GGA2: variants seen among roughly 807,000 people sequenced by gnomAD.
The protein encoded by GGA2 is golgi associated, gamma adaptin ear containing, ARF binding protein 2.
GGA2 carries 48 observed loss-of-function variants against 79.5 expected under a neutral mutation model. The ratio of observed to expected loss-of-function variants is 0.60; its 90% CI spans 0.48 to 0.77. GGA2 has a LOEUF of 0.77. Among genes scored for constraint, GGA2 ranks in the 30% least tolerant of loss-of-function variants. The pLI, the probability that GGA2 is intolerant of heterozygous loss-of-function variation, is 0.00. For synonymous variants in GGA2, 317 were observed against 302.0 expected, an observed-to-expected ratio of 1.05 and a Z score of -0.51; for missense variants, 770 against 774.0, an observed-to-expected ratio of 0.99 and a Z score of 0.06.
At chr16:23,486,276 C>G in intron 7 of GGA2, 124 bp from the exon 8 acceptor site, 1 of 796,164 alleles carries the variant, frequency 1.3e-6, no homozygotes. Flanking sequence ...ATGTTAAGTG[C>G]ATGGGAGAAC....
upstream of GGA2, among the ~76,000 whole-genome samples, chr16:23,514,282 T>A (rs1302733316): frequency 6.6e-6 from 1 of 151,974 alleles, no homozygotes; most frequent in African/African-American, 2.4e-5. Flanking sequence ...AATTTTGGAA[T>A]TTTTTTGTAG....
At chr16:23,506,755 C>T (rs1376088496) in intron 1 of GGA2, among the ~76,000 whole-genome samples, 2 of 152,228 alleles carry the variant, frequency 1.3e-5, no homozygotes, top group Non-Finnish European at 2.9e-5. Context: ...TTCCTCAAGT[C>T]CCCTGTTCCA....
chr16:23,510,558 C>G (rs958285922), upstream of GGA2: 123 of 389,738 alleles, frequency 3.2e-4, no homozygotes, highest in Non-Finnish European at 4.9e-4. Flanking sequence ...CCCAGGCCCC[C>G]CCTCCACGCG....
At chr16:23,506,452 C>T (rs1026975432) in intron 1 of GGA2, among the ~76,000 whole-genome samples, 2 of 152,200 alleles carry the variant, frequency 1.3e-5, no homozygotes, top group Non-Finnish European at 2.9e-5. Flanking sequence ...CACTCAGGAA[C>T]TCAGCGGGGA....
chr16:23,472,320 A>G (rs376410677), intron 14 of GGA2, among the ~76,000 whole-genome samples: 5 of 150,744 alleles, frequency 3.3e-5, no homozygotes, highest in African/African-American at 1.2e-4. Flanking sequence ...CAGCCTCCCA[A>G]GTAGCTGGGA....
At chr16:23,501,019 A>G (rs1964915897) in intron 1 of GGA2, 3 of 341,252 alleles carry the variant, frequency 8.8e-6, no homozygotes, top group East Asian at 7.6e-5. Context: ...CACACATTAG[A>G]AAGTGTGACT....
intron 1 of GGA2, among the ~76,000 whole-genome samples, chr16:23,506,113 A>ACT (rs1596996245): frequency 6.6e-6 from 1 of 151,832 alleles, no homozygotes; most frequent in African/African-American, 2.4e-5. Flanking sequence ...AGGTTTTATT[A>ACT]CTCTCTTCCC....
chr16:23,492,017 C>T (rs888378401), intron 4 of GGA2, among the ~76,000 whole-genome samples: 3 of 152,064 alleles, frequency 2.0e-5, no homozygotes, highest in Admixed American at 6.5e-5. Flanking sequence ...TAAACCCCAC[C>T]ATGCAAGAGC....
At chr16:23,499,268 T>C (rs1964893234) in intron 1 of GGA2, among the ~76,000 whole-genome samples, 1 of 151,660 alleles carries the variant, frequency 6.6e-6, no homozygotes, top group Non-Finnish European at 1.5e-5. Context: ...CCTCAGCCTC[T>C]AGAGTAGCTA....
intron 16 of GGA2, among the ~76,000 whole-genome samples, 168 bp from the exon 17 acceptor site, chr16:23,467,868 G>A (rs558481864): frequency 2.0e-4 from 30 of 152,246 alleles, no homozygotes; most frequent in African/African-American, 6.0e-4. Flanking sequence ...GGAACCCTTC[G>A]ATAATTCTGC....
chr16:23,495,423 G>A (rs1231073787), intron 2 of GGA2: 1 of 263,250 alleles, frequency 3.8e-6, no homozygotes, highest in Non-Finnish European at 7.2e-6. Flanking sequence ...ATGTTCTCAG[G>A]ATTATAGGGG....
chr16:23,507,116 C>G (rs1567370844), intron 1 of GGA2, among the ~76,000 whole-genome samples: 1 of 152,138 alleles, frequency 6.6e-6, no homozygotes, highest in Non-Finnish European at 1.5e-5. Context: ...TGAAAAACAG[C>G]TGAGGAGGCC....
chr16:23,474,778 C>A, intron 14 of GGA2, 126 bp downstream of exon 14: 1 of 744,770 alleles, frequency 1.3e-6, no homozygotes. Context: ...TGCCCTCATG[C>A]AAAATCTCTC....
At chr16:23,521,021 GC>G (rs1196568078) in intron 1 of GGA2, among the ~76,000 whole-genome samples, 2 of 152,072 alleles carry the variant, frequency 1.3e-5, no homozygotes, top group Non-Finnish European at 2.9e-5. Context: ...TGAACTCCCG[GC>G]CTCAAGTGAT....
chr16:23,492,854 G>T (rs1408918944), intron 4 of GGA2, among the ~76,000 whole-genome samples: 2 of 152,198 alleles, frequency 1.3e-5, no homozygotes, highest in African/African-American at 4.8e-5. Context: ...CCCTCACTGC[G>T]TGGGGTCCGG....
intron 9 of GGA2, among the ~76,000 whole-genome samples, chr16:23,481,496 T>A (rs1233332201): frequency 6.6e-6 from 1 of 152,194 alleles, no homozygotes; most frequent in African/African-American, 2.4e-5. Context: ...AAAAAGGCTG[T>A]GTGTGGTGGT....
chr16:23,478,585 C>T, intron 12 of GGA2, 84 bp from the exon 13 acceptor site: 1 of 1,342,902 alleles, frequency 7.4e-7, no homozygotes, highest in Non-Finnish European at 1.1e-6. Context: ...CTCTCCTGAG[C>T]CCACCCAAGC....
intron 1 of GGA2, among the ~76,000 whole-genome samples, chr16:23,520,110 G>A (rs2106458): frequency 0.73 from 110,177 of 151,938 alleles, 40,734 homozygotes; most frequent in Non-Finnish European, 0.81. Context: ...GCTGGCTATG[G>A]CGGCACATGG....
rs909361176 is a variant in GGA2, at chr16:23,467,695, A to T, written c.1737T>A (p.Pro579=). 2 of 1,552,744 alleles carry T rather than the reference A, an allele frequency of 1.3e-6. No individual in the cohort carries two copies. The highest frequency in any genetic ancestry group is 2.2e-5 in the East Asian group (1 of 44,640). The change falls in exon 17 of 17, where the codon CCT becomes CCA. Residue 579 remains proline (P), a synonymous_variant. Transcript: ENST00000309859. ...MLLLDNPHKE[P]IRLRYKLTFN... ...ATGTCAGCTTGTACCGTAAGCGGAT[A>T]GGTTCCTGGGACAGAAGAGACAGAA... is the stretch of plus-strand genomic sequence containing the variant.
Sources: gnomAD v4.1 joint callset for allele counts (sites outside exome capture counted in the v4.1 genomes callset) on GRCh38, gnomAD v4.1.1 for gene constraint, MANE v1.5 for transcripts, NCBI Gene and HGNC (gene_info 2026-07-23, HGNC 2026-07-21) for gene names.